Variants in FBN2 observed in about 807,000 individuals in gnomAD.
FBN2 encodes fibrillin-2.
In FBN2, 105 loss-of-function variants were observed where a neutral mutation model predicts 355.6. The observed-to-expected ratio is 0.30, with a 90% CI of 0.25 to 0.35. The LOEUF is 0.35. FBN2 is among the 10% of genes least tolerant of loss of function. The pLI is 1.00. For synonymous variants in FBN2, 1,350 were observed against 1,301.2 expected, an observed-to-expected ratio of 1.04 and a Z score of -0.81; for missense variants, 3,280 against 3,758.7, an observed-to-expected ratio of 0.87 and a Z score of 3.33.
chr5:128,276,232 T>C, intron 58 of FBN2, 72 bp from the exon 59 acceptor site: 1 of 1,483,862 alleles, frequency 6.7e-7, no homozygotes, highest in Admixed American at 1.7e-5. Context: ...CCTTCCATAT[T>C]CTCACTTCAT....
chr5:128,424,034 A>G (rs1267152749), intron 7 of FBN2, among the ~76,000 whole-genome samples: 1 of 152,176 alleles, frequency 6.6e-6, no homozygotes, highest in East Asian at 1.9e-4. Flanking sequence ...GATGAACGTG[A>G]GAAATGATGA....
At position 128,263,686 on chromosome 5, in the gene FBN2, C is replaced by T. The variant is rs781703032; in HGVS notation, c.7961-30G>A. On this transcript the variant is annotated intron_variant, in intron 62 of 64. Transcript: ENST00000262464. ...TGAAACGAAGAAAGAAACTCTTACA[C>T]GGGGAAGCAGGCAAGAGCAAAAACG... The T allele has an allele frequency of 1.4e-5, 22 of 1,567,832 alleles. No homozygotes were observed. In the African/African-American group the frequency reaches 1.6e-4, roughly 12 times the overall value.
intron 5 of FBN2, among the ~76,000 whole-genome samples, chr5:128,511,130 T>C (rs1319395660): frequency 1.3e-5 from 2 of 152,246 alleles, no homozygotes; most frequent in Admixed American, 1.3e-4. Context: ...CTAAGTTTTG[T>C]ACACATAAAT....
At chr5:128,462,285 C>T (rs1024323120) in intron 6 of FBN2, among the ~76,000 whole-genome samples, 4 of 151,910 alleles carry the variant, frequency 2.6e-5, no homozygotes, top group African/African-American at 9.7e-5. Flanking sequence ...CATATATGCA[C>T]CATGTTTTAA....
At chr5:128,446,404 CA>C (rs35587449) in intron 7 of FBN2, 76 bp downstream of exon 7, 30 of 1,499,666 alleles carry the variant, frequency 2.0e-5, no homozygotes, top group Non-Finnish European at 2.7e-5. Context: ...CAGTAGTCTT[CA>C]AAATTTCAAA....
chr5:128,517,299 A>G (rs1226298981), intron 5 of FBN2, among the ~76,000 whole-genome samples: 1 of 152,094 alleles, frequency 6.6e-6, no homozygotes, highest in Non-Finnish European at 1.5e-5. Flanking sequence ...AGTTTACCTG[A>G]CTCCCAGAAA....
chr5:128,386,615 A>G (rs1424488969), intron 11 of FBN2, among the ~76,000 whole-genome samples: 2 of 152,100 alleles, frequency 1.3e-5, no homozygotes, highest in African/African-American at 2.4e-5. Context: ...TTTGAGCACT[A>G]TGGTCATTTT....
chr5:128,391,539 T>G (rs1424744108), intron 11 of FBN2, among the ~76,000 whole-genome samples: 2 of 152,216 alleles, frequency 1.3e-5, no homozygotes, highest in Admixed American at 6.5e-5. Flanking sequence ...CTTTAATTTC[T>G]AATTAGGTAA....
At chr5:128,269,638 A>G (rs1002185839) in intron 62 of FBN2, among the ~76,000 whole-genome samples, 1 of 152,216 alleles carries the variant, frequency 6.6e-6, no homozygotes, top group Non-Finnish European at 1.5e-5. Context: ...CAATTGCTAC[A>G]AAGAGAATAA....
chr5:128,485,291 G>A (rs969977617), intron 5 of FBN2, among the ~76,000 whole-genome samples: 1 of 152,178 alleles, frequency 6.6e-6, no homozygotes, highest in Non-Finnish European at 1.5e-5. Context: ...CTAAAGTGCT[G>A]AGATTACAGG....
At chr5:128,301,706 T>C (rs990941079) in intron 46 of FBN2, among the ~76,000 whole-genome samples, 196 bp from the exon 47 acceptor site, 1 of 152,218 alleles carries the variant, frequency 6.6e-6, no homozygotes, top group African/African-American at 2.4e-5. Flanking sequence ...CCTACTATTT[T>C]TCAACCATAA....
chr5:128,357,565 G>A (rs1186606305), intron 19 of FBN2, among the ~76,000 whole-genome samples, 170 bp from the exon 20 acceptor site: 2 of 152,120 alleles, frequency 1.3e-5, no homozygotes, highest in East Asian at 1.9e-4. Flanking sequence ...ATTTTACATC[G>A]TGGATACACA....
At chr5:128,321,735 C>T (rs539623558) in intron 34 of FBN2, among the ~76,000 whole-genome samples, 2 of 152,062 alleles carry the variant, frequency 1.3e-5, no homozygotes, top group African/African-American at 4.8e-5. Flanking sequence ...CTATTATGAA[C>T]AGTGCTGCAA....
At chr5:128,516,596 A>G (rs1756287523) in intron 5 of FBN2, among the ~76,000 whole-genome samples, 1 of 152,178 alleles carries the variant, frequency 6.6e-6, no homozygotes, top group African/African-American at 2.4e-5. Flanking sequence ...GACTGATCCC[A>G]AAAGGCCAAT....
intron 7 of FBN2, among the ~76,000 whole-genome samples, chr5:128,412,335 C>G (rs1395592938): frequency 6.6e-6 from 1 of 152,196 alleles, no homozygotes; most frequent in Admixed American, 6.5e-5. Flanking sequence ...TAGGCTATTC[C>G]TTTGACTGGG....
chr5:128,262,117 T>A (rs944152212), intron 63 of FBN2, among the ~76,000 whole-genome samples: 1 of 152,218 alleles, frequency 6.6e-6, no homozygotes, highest in African/African-American at 2.4e-5. Context: ...AGTGGCACGA[T>A]CTTGCTCACT....
chr5:128,263,690 G>C (rs922377528), intron 62 of FBN2, 34 bp from the exon 63 acceptor site: 6 of 1,554,204 alleles, frequency 3.9e-6, no homozygotes, highest in Non-Finnish European at 5.3e-6. Context: ...CTTACACGGG[G>C]AAGCAGGCAA....
intron 7 of FBN2, among the ~76,000 whole-genome samples, chr5:128,421,251 T>C (rs1753344054): frequency 6.6e-6 from 1 of 152,158 alleles, no homozygotes; most frequent in Non-Finnish European, 1.5e-5. Flanking sequence ...GATCAGAACT[T>C]CACTTTAGGC....
At chr5:128,469,576 G>A (rs1754802071) in intron 5 of FBN2, among the ~76,000 whole-genome samples, 1 of 151,290 alleles carries the variant, frequency 6.6e-6, no homozygotes, top group South Asian at 2.1e-4. Flanking sequence ...TTCTGGCATG[G>A]AATGACAAGC....
Sources: gnomAD v4.1 joint callset for allele counts (sites outside exome capture counted in the v4.1 genomes callset) on GRCh38, gnomAD v4.1.1 for gene constraint, MANE v1.5 for transcripts, NCBI Gene and HGNC (gene_info 2026-07-23, HGNC 2026-07-21) for gene names.